Variants in KCNB2 observed in about 807,000 individuals in gnomAD.
KCNB2 encodes the protein delayed rectifier potassium channel protein.
KCNB2 carries 15 observed loss-of-function variants against 61.5 expected under a neutral mutation model. The observed-to-expected ratio is 0.24, with a 90% CI of 0.16 to 0.38. The LOEUF (loss-of-function observed/expected upper bound fraction) is 0.38, where lower values mean the gene tolerates loss of function less well. Among genes scored for constraint, KCNB2 ranks in the 10% least tolerant of loss-of-function variants. The pLI, the probability that KCNB2 is intolerant of heterozygous loss-of-function variation, is 1.00. For missense variants in KCNB2, 828 were observed against 1,125.2 expected, an observed-to-expected ratio of 0.74 and a Z score of 3.78; for synonymous variants, 457 against 446.0, an observed-to-expected ratio of 1.02 and a Z score of -0.31.
intron 2 of KCNB2, among the ~76,000 whole-genome samples, chr8:72,600,374 A>C (rs1807276599): frequency 6.6e-6 from 1 of 152,064 alleles, no homozygotes; most frequent in Non-Finnish European, 1.5e-5. Flanking sequence ...GTTCTCACTC[A>C]TAGGTGGGAA....
At chr8:72,658,268 C>T (rs767056358) in intron 2 of KCNB2, among the ~76,000 whole-genome samples, 2 of 152,092 alleles carry the variant, frequency 1.3e-5, no homozygotes, top group Non-Finnish European at 2.9e-5. Flanking sequence ...GAAAAAGAAA[C>T]AACTTTATTG....
In KCNB2 at chr8:72,850,572, A is replaced by T. The variant is rs1005069564; in HGVS notation, c.580-85363A>T. Among the ~76,000 whole-genome samples the T allele has an allele frequency of 1.3e-5, 2 of 152,182 alleles. 1 individual carries two copies. On this transcript the variant is annotated intron_variant, in intron 2 of 2. Transcript: ENST00000523207. ...AAGCCTCTTTACCCATGATAGCCAA[A>T]TGAGTAATTATGGTGAACAACTCAG...
chr8:72,783,046 T>A (rs566194961), intron 2 of KCNB2, among the ~76,000 whole-genome samples: 14 of 152,162 alleles, frequency 9.2e-5, no homozygotes, highest in Non-Finnish European at 1.9e-4. Context: ...TGCTTCAATC[T>A]ACTCTACATT....
chr8:72,822,674 C>T (rs1809530914), intron 2 of KCNB2, among the ~76,000 whole-genome samples: 1 of 152,164 alleles, frequency 6.6e-6, no homozygotes, highest in Non-Finnish European at 1.5e-5. Context: ...TATAAATCAG[C>T]TTACCTCACT....
intron 2 of KCNB2, among the ~76,000 whole-genome samples, chr8:72,579,708 A>G (rs921890349): frequency 6.6e-6 from 1 of 152,176 alleles, no homozygotes; most frequent in African/African-American, 2.4e-5. Flanking sequence ...ATTGATACCT[A>G]ATACAGTAAC....
At chr8:72,544,107 A>G (rs2128976628) in intron 1 of KCNB2, among the ~76,000 whole-genome samples, 1 of 152,316 alleles carries the variant, frequency 6.6e-6, no homozygotes, top group African/African-American at 2.4e-5. Flanking sequence ...AGATGAAGTG[A>G]CATCTAAGTT....
At chr8:72,922,234 C>T (rs1806537778) in intron 2 of KCNB2, among the ~76,000 whole-genome samples, 1 of 152,210 alleles carries the variant, frequency 6.6e-6, no homozygotes, top group Non-Finnish European at 1.5e-5. Context: ...CTGTGTCTCT[C>T]ATGGCCTTCT....
chr8:72,789,355 G>A (rs1361997989), intron 2 of KCNB2, among the ~76,000 whole-genome samples: 2 of 152,190 alleles, frequency 1.3e-5, no homozygotes, highest in Non-Finnish European at 2.9e-5. Context: ...GAATTCAGTT[G>A]TGTCCAATTC....
intron 2 of KCNB2, among the ~76,000 whole-genome samples, chr8:72,812,104 A>G (rs949214389): frequency 6.6e-6 from 1 of 152,126 alleles, no homozygotes; most frequent in Non-Finnish European, 1.5e-5. Flanking sequence ...TCTACTAAAA[A>G]TACAAAAATT....
intron 2 of KCNB2, among the ~76,000 whole-genome samples, chr8:72,582,189 C>G (rs962642790): frequency 6.6e-6 from 1 of 152,186 alleles, no homozygotes; most frequent in African/African-American, 2.4e-5. Context: ...TCAGGGCAAG[C>G]TGCATCCCCC....
chr8:72,889,841 C>A (rs1273615353), intron 2 of KCNB2, among the ~76,000 whole-genome samples: 1 of 152,052 alleles, frequency 6.6e-6, no homozygotes, highest in East Asian at 1.9e-4. Context: ...TTGCAACCTC[C>A]ATCTCCTGGG....
At chr8:72,758,207 C>T (rs548155169) in intron 2 of KCNB2, among the ~76,000 whole-genome samples, 14 of 152,214 alleles carry the variant, frequency 9.2e-5, no homozygotes, top group East Asian at 1.9e-4. Context: ...TGAGAAGATT[C>T]GAAAAGGAAG....
chr8:72,921,160 C>G (rs1806513862), intron 2 of KCNB2, among the ~76,000 whole-genome samples: 1 of 151,958 alleles, frequency 6.6e-6, no homozygotes, highest in African/African-American at 2.4e-5. Flanking sequence ...ATAATAATTA[C>G]TATTATTATC....
chr8:72,733,774 G>T (rs1807791074), intron 2 of KCNB2, among the ~76,000 whole-genome samples: 1 of 152,016 alleles, frequency 6.6e-6, no homozygotes, highest in South Asian at 2.1e-4. Context: ...CCTGATTTTT[G>T]ATGTAGCCCC....
intron 2 of KCNB2, among the ~76,000 whole-genome samples, chr8:72,831,407 T>C (rs974087831): frequency 1.3e-5 from 2 of 152,102 alleles, no homozygotes; most frequent in Non-Finnish European, 2.9e-5. Flanking sequence ...AAACCAGATA[T>C]GGGTTATAAA....
intron 2 of KCNB2, among the ~76,000 whole-genome samples, chr8:72,915,520 G>T (rs139028890): frequency 5.1e-4 from 78 of 152,254 alleles, no homozygotes; most frequent in African/African-American, 1.8e-3. Flanking sequence ...TATGGAAGAA[G>T]AGCTGAACAT....
chr8:72,627,348 G>A (rs1563542677), intron 2 of KCNB2, among the ~76,000 whole-genome samples: 1 of 152,074 alleles, frequency 6.6e-6, no homozygotes, highest in Non-Finnish European at 1.5e-5. Context: ...CTTTCTGGAG[G>A]TCTCAAATTT....
intron 2 of KCNB2, among the ~76,000 whole-genome samples, chr8:72,669,791 C>T (rs1487419415): frequency 2.0e-5 from 3 of 152,224 alleles, no homozygotes; most frequent in Non-Finnish European, 4.4e-5. Context: ...TTATGTACAG[C>T]CTCATCTTCC....
chr8:72,627,280 G>T (rs568865249), intron 2 of KCNB2, among the ~76,000 whole-genome samples: 1 of 152,302 alleles, frequency 6.6e-6, no homozygotes, highest in South Asian at 2.1e-4. Flanking sequence ...AGGTCACTAG[G>T]AGTGAAGAAA....
Sources: gnomAD v4.1 joint callset for allele counts (sites outside exome capture counted in the v4.1 genomes callset) on GRCh38, gnomAD v4.1.1 for gene constraint, MANE v1.5 for transcripts, NCBI Gene and HGNC (gene_info 2026-07-23, HGNC 2026-07-21) for gene names.